MRPS33: variants seen among roughly 807,000 people sequenced by gnomAD.
MRPS33 encodes mitochondrial ribosomal protein S33.
Under a neutral mutation model 11.2 loss-of-function variants are expected in MRPS33, and 11 were observed. The observed-to-expected ratio is 0.99, with a 90% CI of 0.62 to 1.63. MRPS33 has a LOEUF of 1.63. Among genes scored for constraint, MRPS33 ranks in the 40% most tolerant of loss-of-function variants. MRPS33 has a pLI of 0.00. For missense variants in MRPS33, 109 were observed against 127.8 expected, an observed-to-expected ratio of 0.85 and a Z score of 0.71; for synonymous variants, 46 against 44.0, an observed-to-expected ratio of 1.05 and a Z score of -0.18.
intron 1 of MRPS33, among the ~76,000 whole-genome samples, chr7:141,011,230 G>A (rs943759312): frequency 6.6e-6 from 1 of 152,228 alleles, no homozygotes; most frequent in African/African-American, 2.4e-5. Flanking sequence ...TTTGCCTAGA[G>A]ACTGAGAGCC....
chr7:141,010,689 G>A (rs1820656605), intron 1 of MRPS33, 29 bp from the exon 2 acceptor site: 19 of 1,518,128 alleles, frequency 1.3e-5, no homozygotes, highest in Non-Finnish European at 1.7e-5. Context: ...AAGTTAAACA[G>A]GTTAGGGTAA....
chr7:141,003,284 C>T lies in MRPS33; in HGVS notation c.*3146G>A, dbSNP rs985498321. 6.6e-6 allele frequency: 1 copy of T among 152,156 alleles called. No individual in the cohort carries two copies. The highest frequency in any genetic ancestry group is 1.5e-5 in the Non-Finnish European group (1 of 68,034). The allele number at this position is 152,156 out of a possible 1,614,324, so 9.4% of individuals were successfully genotyped here. On this transcript the variant is annotated 3_prime_UTR_variant, in exon 3 of 3. Transcript: ENST00000324787. ...TGATTACACTTAGTCACCATCTTAA[C>T]CATTGGTCACTGTTGTCCTGAAATT...
intron 2 of MRPS33, chr7:141,009,731 C>T (rs528166176): frequency 2.6e-4 from 39 of 152,206 alleles, no homozygotes; most frequent in African/African-American, 9.4e-4. Flanking sequence ...ATAACAAGAG[C>T]CCACTGCCCT....
rs182510300 is a variant in MRPS33, at chr7:141,010,460, G to C, written c.174C>G (p.Tyr58Ter). Reference sequence around the variant, plus strand: ...ATCGGAGCGTCTGCATGAGTTCAGCGTAAGTGTGGTGATTTGGATACCAAT... The same window carrying C: ...ATCGGAGCGTCTGCATGAGTTCAGCCTAAGTGTGGTGATTTGGATACCAAT... ...TYDWYPNHHT[Y>*]AELMQTLRFL... is the part of the protein sequence containing the mutation. The change falls in exon 2 of 3, where the codon TAC (tyrosine) becomes TAG (stop). Residue 58 changes from tyrosine (Y) to a stop codon, truncating the protein, a stop_gained. Transcript: ENST00000324787. LOFTEE classifies it high-confidence loss of function. 4.3e-6 allele frequency: 7 copies of C among 1,614,014 alleles called. No homozygotes were observed. The South Asian group carries it at 4.4e-5, about 10-fold the overall frequency.
At chr7:141,006,687 T>C (rs1194595033) in intron 2 of MRPS33, 152 bp from the exon 3 acceptor site, 3 of 660,672 alleles carry the variant, frequency 4.5e-6, no homozygotes, top group South Asian at 1.9e-5. Flanking sequence ...ACAAAAAGTA[T>C]AGGGAGTCCC....
chr7:141,008,621 T>G (rs1297345046), intron 2 of MRPS33, among the ~76,000 whole-genome samples: 1 of 152,196 alleles, frequency 6.6e-6, no homozygotes, highest in Non-Finnish European at 1.5e-5. Flanking sequence ...TGCTGTACTA[T>G]TAATTCTATT....
chr7:141,013,268 G>C (rs1390328098), intron 1 of MRPS33, among the ~76,000 whole-genome samples: 1 of 152,216 alleles, frequency 6.6e-6, no homozygotes, highest in African/African-American at 2.4e-5. Context: ...ACAGGATGCT[G>C]CTGTTATGTC....
Position 141,004,213 on chromosome 7 carries a change from T to A in MRPS33, c.*2217A>T, listed in dbSNP as rs1023234222. ...TACTTGGGAGGCTGAGGCAGGAGAA[T>A]GGCGTGAACCCGGGAGGTGGAGCTT... On this transcript the variant is annotated 3_prime_UTR_variant, in exon 3 of 3. Coordinates refer to ENST00000324787, the MANE Select transcript of MRPS33 (RefSeq NM_053035.3). The A allele has an allele frequency of 6.6e-6, 1 of 152,088 alleles. No homozygotes were observed. Among genetic ancestry groups the A allele is most frequent in the Admixed American group, 6.6e-5 (1 of 15,252 alleles). 9.4% of individuals were successfully genotyped at this position (152,088 alleles called of 1,614,324 possible). A position where few individuals can be genotyped will look rare whatever the true frequency, so the allele number is the denominator to read the frequency against.
At chr7:141,008,736 T>C (rs1820597368) in intron 2 of MRPS33, among the ~76,000 whole-genome samples, 1 of 152,200 alleles carries the variant, frequency 6.6e-6, no homozygotes, top group South Asian at 2.1e-4. Context: ...TTTAACTTTA[T>C]ACAATTATGT....
intron 1 of MRPS33, 179 bp downstream of exon 1, chr7:141,014,732 T>A (rs1239016759): frequency 6.6e-6 from 1 of 151,908 alleles, no homozygotes; most frequent in Non-Finnish European, 1.5e-5. Flanking sequence ...GTTTAAGAAA[T>A]CCCCCAACTG....
At position 141,004,352 on chromosome 7, in the gene MRPS33, C is replaced by G. The variant is rs774984258; in HGVS notation, c.*2078G>C. 5 of 152,054 alleles carry G rather than the reference C, an allele frequency of 3.3e-5. No homozygotes were observed. Among genetic ancestry groups the G allele is most frequent in the Non-Finnish European group, 7.4e-5 (5 of 67,996 alleles). 9.4% of individuals were successfully genotyped at this position (152,054 alleles called of 1,614,324 possible). On this transcript the variant is annotated 3_prime_UTR_variant, in exon 3 of 3. Transcript: ENST00000324787. ...CTCCTTTTGCTGGAATTCACTTCTA[C>G]CACATACAAACCACCCAATTTTATT...
In MRPS33 at chr7:141,010,534, C is replaced by A. The variant is rs775214741; in HGVS notation, c.100G>T (p.Val34Leu). ...AAGGGCAGTTCACTAAACAGTTTCA[C>A]CACTTTCATAGACTTGGAATTAGTA... The part of the protein sequence containing the change: ...RPTNSKSMKV[V>L]KLFSELPLAK... Residue 34 changes from valine (V) to leucine (L), a missense_variant, in exon 2 of 3, where the codon GTG becomes TTG. Physicochemically the swap from Val to Leu is conservative, Grantham distance 32. Transcript: ENST00000324787. 3.7e-6 allele frequency: 6 copies of A among 1,614,184 alleles called. No homozygotes were observed. The highest frequency in any genetic ancestry group is 5.1e-6 in the Non-Finnish European group (6 of 1,180,030).
chr7:141,007,917 AT>A (rs534031820), intron 2 of MRPS33, among the ~76,000 whole-genome samples: 4,975 of 151,832 alleles, frequency 0.033, 124 homozygotes, highest in Non-Finnish European at 0.049. Context: ...TAATTTACTT[AT>A]TTTTTTTCCC....
intron 2 of MRPS33, among the ~76,000 whole-genome samples, chr7:141,007,543 T>C (rs1820562847): frequency 6.6e-6 from 1 of 152,202 alleles, no homozygotes; most frequent in Admixed American, 6.5e-5. Flanking sequence ...TAGTTCCCCA[T>C]TTCAACCAGA....
intron 1 of MRPS33, chr7:141,014,632 G>C (rs1820756424): frequency 6.6e-6 from 1 of 152,234 alleles, no homozygotes; most frequent in African/African-American, 2.4e-5. Flanking sequence ...GTGATGAGCA[G>C]AGAAACTGAG....
At chr7:141,008,709 A>T (rs1375523026) in intron 2 of MRPS33, among the ~76,000 whole-genome samples, 1 of 152,238 alleles carries the variant, frequency 6.6e-6, no homozygotes, top group Non-Finnish European at 1.5e-5. Flanking sequence ...TTAAATTTTT[A>T]AAAAGATGGT....
chr7:141,006,866 A>G (rs765124008), intron 2 of MRPS33, among the ~76,000 whole-genome samples: 1 of 152,192 alleles, frequency 6.6e-6, no homozygotes, highest in Non-Finnish European at 1.5e-5. Flanking sequence ...CTAAGACTAA[A>G]CAGAGAGGAG....
intron 2 of MRPS33, among the ~76,000 whole-genome samples, chr7:141,007,828 C>A (rs901505133): frequency 6.6e-6 from 1 of 152,220 alleles, no homozygotes; most frequent in African/African-American, 2.4e-5. Context: ...CTACTGCAGG[C>A]CCCGTCAGCA....
At chr7:141,014,388 C>G (rs1446644598) in intron 1 of MRPS33, 3 of 152,208 alleles carry the variant, frequency 2.0e-5, no homozygotes, top group Non-Finnish European at 2.9e-5. Context: ...ATCAACGGCA[C>G]TGAAAATGTA....
Sources: allele counts gnomAD v4.1 joint callset (sites outside exome capture counted in the v4.1 genomes callset), GRCh38; gene constraint gnomAD v4.1.1; transcripts MANE v1.5; gene names NCBI Gene and HGNC (gene_info 2026-07-23, HGNC 2026-07-21).